The following SORCS2 variants were observed in gnomAD, a reference collection of about 807,000 sequenced individuals.
SORCS2 encodes sortilin related VPS10 domain containing receptor 2.
SORCS2 carries 100 observed loss-of-function variants against 141.6 expected under a neutral mutation model. The ratio of observed to expected loss-of-function variants is 0.71; its 90% CI spans 0.60 to 0.83. The LOEUF (loss-of-function observed/expected upper bound fraction) is 0.83, where lower values mean the gene tolerates loss of function less well. SORCS2 is among the 40% of genes least tolerant of loss of function. The probability of loss-of-function intolerance (pLI) is 0.00; values close to 1 mark genes in which losing one functional copy is unlikely to be tolerated. For synonymous variants in SORCS2, 789 were observed against 676.9 expected, an observed-to-expected ratio of 1.17 and a Z score of -2.57; for missense variants, 1,646 against 1,560.2, an observed-to-expected ratio of 1.05 and a Z score of -0.93.
chr4:7,234,331 C>T (rs73081805), intron 1 of SORCS2, among the ~76,000 whole-genome samples: 2,180 of 152,334 alleles, frequency 0.014, 49 homozygotes, highest in African/African-American at 0.049. Context: ...GCTGCAGAAG[C>T]AAGGGTGCTG....
At position 7,422,770 on chromosome 4, in the gene SORCS2, G is replaced by A. The variant is rs185595313; in HGVS notation, c.548+26415G>A. Among the ~76,000 whole-genome samples, 1,147 of 152,150 alleles carry A rather than the reference G, an allele frequency of 7.5e-3. 16 individuals are homozygous for A. The highest frequency in any genetic ancestry group is 7.4e-3 in the Non-Finnish European group (503 of 67,984). On this transcript the variant is annotated intron_variant, in intron 2 of 26. Transcript: ENST00000507866. ...GACGCCACAACCCAGGTCTCCCTGCGCCTGCCCTTGTCCCCGAGAGTCCGT... is the reference window on the plus strand; with the variant it reads ...GACGCCACAACCCAGGTCTCCCTGCACCTGCCCTTGTCCCCGAGAGTCCGT...
intron 12 of SORCS2, among the ~76,000 whole-genome samples, chr4:7,702,935 A>T (rs1725175012): frequency 6.6e-6 from 1 of 152,190 alleles, no homozygotes; most frequent in Admixed American, 6.5e-5. Flanking sequence ...TGTGTATCGT[A>T]AATATTTTTC....
intron 11 of SORCS2, among the ~76,000 whole-genome samples, chr4:7,692,325 T>A (rs1247494722): frequency 6.6e-6 from 1 of 152,206 alleles, no homozygotes; most frequent in Non-Finnish European, 1.5e-5. Context: ...CGTTCATTCC[T>A]GAATTCCATC....
intron 3 of SORCS2, among the ~76,000 whole-genome samples, chr4:7,620,819 G>T (rs968287875): frequency 9.8e-5 from 15 of 152,298 alleles, no homozygotes; most frequent in African/African-American, 3.1e-4. Context: ...ACGGTGGGGG[G>T]TCTCCCCTGC....
chr4:7,622,284 G>A (rs1207614344), intron 3 of SORCS2, among the ~76,000 whole-genome samples: 2 of 152,156 alleles, frequency 1.3e-5, no homozygotes, highest in African/African-American at 2.4e-5. Flanking sequence ...GAAGTGACTC[G>A]CGGTCTCGCC....
At chr4:7,659,289 G>A (rs73202526) in intron 5 of SORCS2, among the ~76,000 whole-genome samples, 298 of 138,448 alleles carry the variant, frequency 2.2e-3, no homozygotes, top group African/African-American at 5.3e-3. Flanking sequence ...AAAAAAAAAA[G>A]AAAAAAAAAA....
intron 3 of SORCS2, among the ~76,000 whole-genome samples, chr4:7,583,405 C>T (rs1025764078): frequency 5.9e-5 from 9 of 152,274 alleles, no homozygotes; most frequent in Middle Eastern, 3.4e-3. Flanking sequence ...CTCAACTTAC[C>T]GAAGTCATAC....
chr4:7,585,672 C>G (rs73214691), intron 3 of SORCS2, among the ~76,000 whole-genome samples: 5 of 152,184 alleles, frequency 3.3e-5, no homozygotes, highest in Non-Finnish European at 7.3e-5. Context: ...TTGTTTTATG[C>G]GAATGGTTTC....
intron 2 of SORCS2, among the ~76,000 whole-genome samples, chr4:7,403,492 G>A (rs536458561): frequency 2.0e-5 from 3 of 152,120 alleles, no homozygotes; most frequent in Non-Finnish European, 4.4e-5. Flanking sequence ...GTTTGAGGAG[G>A]TTGGTGGGGT....
rs1230431712 is a variant in SORCS2, at chr4:7,726,727, C to A, written c.2746-53C>A. 1.9e-6 allele frequency: 3 copies of A among 1,592,142 alleles called. No individual in the cohort carries two copies. In the East Asian group the frequency reaches 6.7e-5, roughly 36 times the overall value. On this transcript the variant is annotated intron_variant, in intron 20 of 26. Coordinates refer to ENST00000507866, the MANE Select transcript of SORCS2 (RefSeq NM_020777.3). ...GCAGCGACCATAGGCCAGCGTCCCC[C>A]ACGGCCGCTGCCTCACTCGGCCAGG...
chr4:7,287,162 G>A (rs1442139652), intron 1 of SORCS2, among the ~76,000 whole-genome samples: 1 of 152,208 alleles, frequency 6.6e-6, no homozygotes, highest in Non-Finnish European at 1.5e-5. Flanking sequence ...CCAATGAGGG[G>A]TGCAAAGTGT....
intron 2 of SORCS2, among the ~76,000 whole-genome samples, chr4:7,437,535 G>A (rs1727387795): frequency 6.6e-6 from 1 of 152,124 alleles, no homozygotes; most frequent in Admixed American, 6.5e-5. Context: ...CGAATGGCTT[G>A]GTCTTTCTGG....
intron 2 of SORCS2, among the ~76,000 whole-genome samples, chr4:7,416,766 A>T (rs1353342483): frequency 1.3e-5 from 2 of 150,000 alleles, no homozygotes; most frequent in East Asian, 2.0e-4. Context: ...ACACAGACAC[A>T]TGCATGCATG....
intron 2 of SORCS2, among the ~76,000 whole-genome samples, chr4:7,528,734 A>T (rs961183807): frequency 4.6e-5 from 7 of 152,138 alleles, no homozygotes; most frequent in Admixed American, 3.3e-4. Context: ...TTTTAAATGG[A>T]CCTGACTTCC....
chr4:7,268,003 A>T (rs768957092), intron 1 of SORCS2, among the ~76,000 whole-genome samples: 6 of 152,220 alleles, frequency 3.9e-5, no homozygotes, highest in Non-Finnish European at 7.3e-5. Context: ...CGGAAGATGC[A>T]GGCCCGCTGG....
At chr4:7,650,658 G>C (rs57534629) in intron 4 of SORCS2, among the ~76,000 whole-genome samples, 30,242 of 150,558 alleles carry the variant, frequency 0.2, 6,727 homozygotes, top group African/African-American at 0.56. Flanking sequence ...GGCCATGACA[G>C]GGAGGCAGAC....
chr4:7,267,153 C>T (rs552701395), intron 1 of SORCS2, among the ~76,000 whole-genome samples: 1 of 142,120 alleles, frequency 7.0e-6, no homozygotes, highest in African/African-American at 2.8e-5. Context: ...AACACTATGA[C>T]CACCAGGGAC....
chr4:7,717,169 G>A (rs1202026309), intron 17 of SORCS2, among the ~76,000 whole-genome samples: 4 of 152,174 alleles, frequency 2.6e-5, no homozygotes, highest in Admixed American at 1.3e-4. Context: ...CTCCAGCCTC[G>A]TGCCACACCC....
chr4:7,556,040 TG>T (rs1714080406), intron 3 of SORCS2, among the ~76,000 whole-genome samples: 1 of 152,194 alleles, frequency 6.6e-6, no homozygotes, highest in African/African-American at 2.4e-5. Flanking sequence ...CATTGACTCC[TG>T]GGAGAAATGG....
Sources: allele counts gnomAD v4.1 joint callset (sites outside exome capture counted in the v4.1 genomes callset), GRCh38; gene constraint gnomAD v4.1.1; transcripts MANE v1.5; gene names NCBI Gene and HGNC (gene_info 2026-07-23, HGNC 2026-07-21).